Variants in NLRP10 observed in about 807,000 individuals in gnomAD.
NLRP10 encodes the protein NLR family pyrin domain containing 10.
Under a neutral mutation model 8.2 loss-of-function variants are expected in NLRP10, and 7 were observed. The ratio of observed to expected loss-of-function variants is 0.85; its 90% CI spans 0.48 to 1.60. The LOEUF (loss-of-function observed/expected upper bound fraction) is 1.60, where lower values mean the gene tolerates loss of function less well. Among genes scored for constraint, NLRP10 ranks in the 40% most tolerant of loss-of-function variants. The pLI, the probability that NLRP10 is intolerant of heterozygous loss-of-function variation, is 0.00. For synonymous variants in NLRP10, 338 were observed against 314.0 expected, an observed-to-expected ratio of 1.08 and a Z score of -0.81; for missense variants, 814 against 776.3, an observed-to-expected ratio of 1.05 and a Z score of -0.58.
At chr11:7,964,918 C>A (rs1430418703) in intron 1 of NLRP10, among the ~76,000 whole-genome samples, 2 of 152,224 alleles carry the variant, frequency 1.3e-5, no homozygotes, top group African/African-American at 2.4e-5. Context: ...AGTACAATGT[C>A]ACATTCATCA....
Position 7,958,393 on chromosome 11 carries a change from A to G in NLRP10, c.*1251T>C, listed in dbSNP as rs1941656047. On this transcript the variant is annotated 3_prime_UTR_variant, in exon 3 of 3. Coordinates refer to ENST00000691676, the MANE Select transcript of NLRP10 (RefSeq NM_001391958.1). ...ATCCTAACAAGCATTTAGTGTTGCC[A>G]GGATTTGGGATGTTAGCCATTCTAA... is the stretch of plus-strand genomic sequence containing the variant. 6.6e-6 allele frequency among the ~76,000 whole-genome samples: 1 copy of G among 152,226 alleles called. No homozygotes were observed.
chr11:7,960,658 C>A lies in NLRP10; in HGVS notation c.954G>T (p.Glu318Asp). 6.2e-7 allele frequency: 1 copy of A among 1,614,190 alleles called. No individual in the cohort carries two copies. Among genetic ancestry groups the A allele is most frequent in the Non-Finnish European group, 8.5e-7 (1 of 1,180,042 alleles). The change falls in exon 3 of 3, where the codon GAG becomes GAT. Residue 318 changes from glutamate (E) to aspartate (D), a missense_variant. By Grantham distance (45) the Glu-to-Asp change is conservative (BLOSUM62 2). Transcript: ENST00000691676. ...RHVHILGFSE[E>D]ERARYFSSYF... ...AGGAGCTGAAGTACCTCGCCCTCTC[C>A]TCCTCAGAGAAGCCTAGGATATGGA...
In NLRP10 at chr11:7,960,884, C is replaced by T. The variant is rs755554745; in HGVS notation, c.728G>A (p.Arg243Gln). 6 of 1,614,166 alleles carry T rather than the reference C, an allele frequency of 3.7e-6. No homozygotes were observed. Among genetic ancestry groups the T allele is most frequent in the East Asian group, 4.5e-5 (2 of 44,880 alleles). The change falls in exon 3 of 3, where the codon CGG becomes CAG. Residue 243 changes from arginine to glutamine, a missense_variant. Physicochemically the swap from Arg to Gln is conservative, Grantham distance 43. Transcript: ENST00000691676. ...PVTEILRQPE[R>Q]LLFILDGFDE... The stretch of plus-strand genomic sequence containing the variant: ...AAAGCCATCCAGGATGAACAGGAGC[C>T]GCTCTGGCTGCCTCAGAATCTCTGT...
chr11:7,961,460 A>C, intron 2 of NLRP10, 138 bp from the exon 3 acceptor site: 1 of 639,142 alleles, frequency 1.6e-6, no homozygotes, highest in Non-Finnish European at 2.7e-6. Context: ...TTCTGGCTTC[A>C]TGGGGAGGGG....
chr11:7,958,190 G>A lies in NLRP10; in HGVS notation c.*1454C>T, dbSNP rs1941652084. Among the ~76,000 whole-genome samples the A allele has an allele frequency of 6.6e-6, 1 of 152,138 alleles. No individual in the cohort carries two copies. The highest frequency in any genetic ancestry group is 1.5e-5 in the Non-Finnish European group (1 of 68,042). On this transcript the variant is annotated 3_prime_UTR_variant, in exon 3 of 3. Transcript: ENST00000691676. ...AGCTGCTATAAATATTCATGTGCAG[G>A]TTTTTATGTGGACATAAGTTTCCAA...
chr11:7,960,958 T>C lies in NLRP10; in HGVS notation c.654A>G (p.Lys218=). ...CKEVVLLLES[K]LEQLLFWCCG... is the part of the protein sequence containing the mutation. ...AGCACCAGAAAAGGAGCTGCTCCAG[T>C]TTGCTCTCCAGCAGCAGGACCACTT... The change falls in exon 3 of 3, where the codon AAA becomes AAG. Residue 218 remains lysine, a synonymous_variant. Coordinates refer to ENST00000691676, the MANE Select transcript of NLRP10 (RefSeq NM_001391958.1). The C allele has an allele frequency of 6.2e-7, 1 of 1,614,120 alleles. No individual in the cohort carries two copies. Among genetic ancestry groups the C allele is most frequent in the Non-Finnish European group, 8.5e-7 (1 of 1,180,032 alleles).
chr11:7,963,698 T>G (rs1941772255), intron 1 of NLRP10, 158 bp from the exon 2 acceptor site: 1 of 583,448 alleles, frequency 1.7e-6, no homozygotes, highest in Non-Finnish European at 3.0e-6. Context: ...ATTTTCCTAG[T>G]CATTCCCCTC....
At position 7,960,292 on chromosome 11, in the gene NLRP10, GC is replaced by G. The variant is rs1346072211; in HGVS notation, c.1319del (p.Gly440AlafsTer8). The G allele has an allele frequency of 1.5e-5, 25 of 1,614,162 alleles. No individual in the cohort carries two copies. Among genetic ancestry groups the G allele is most frequent in the Non-Finnish European group, 1.9e-5 (23 of 1,180,034 alleles). On this transcript the variant is annotated frameshift_variant, in exon 3 of 3. Transcript: ENST00000691676. LOFTEE classifies it low-confidence loss of function (END_TRUNC). ...TACTCAGGAAAGCGGCAAGCCTGGG[GC>G]CATCTAAATTATGTTTCCTGAGCTC... ...EAELRKHNLD[G>X]PRLAAFLSSN...
In NLRP10 at chr11:7,960,661, C is replaced by T. The variant is rs567774700; in HGVS notation, c.951G>A (p.Glu317=). The part of the protein sequence containing the change: ...ARHVHILGFS[E]EERARYFSSY... Reference sequence around the variant, plus strand: ...AGCTGAAGTACCTCGCCCTCTCCTCCTCAGAGAAGCCTAGGATATGGACAT... The same window carrying T: ...AGCTGAAGTACCTCGCCCTCTCCTCTTCAGAGAAGCCTAGGATATGGACAT... Residue 317 remains glutamate (E), a synonymous_variant, in exon 3 of 3, where the codon GAG becomes GAA. Coordinates refer to ENST00000691676, the MANE Select transcript of NLRP10 (RefSeq NM_001391958.1). 3 of 1,614,184 alleles carry T rather than the reference C, an allele frequency of 1.9e-6. No individual in the cohort carries two copies. Among genetic ancestry groups the T allele is most frequent in the African/African-American group, 2.7e-5 (2 of 75,038 alleles).
At chr11:7,963,859 G>T (rs1323559629) in intron 1 of NLRP10, among the ~76,000 whole-genome samples, 1 of 146,576 alleles carries the variant, frequency 6.8e-6, no homozygotes, top group African/African-American at 2.5e-5. Context: ...CTCTCAACAC[G>T]TTCTTTATTA....
intron 2 of NLRP10, among the ~76,000 whole-genome samples, chr11:7,961,779 C>G (rs979251153): frequency 1.6e-4 from 25 of 152,116 alleles, no homozygotes; most frequent in African/African-American, 5.8e-4. Flanking sequence ...AAAGGGATGC[C>G]TGAGGATGGT....
chr11:7,960,854 T>A lies in NLRP10; in HGVS notation c.758A>T (p.Glu253Val). ...RLLFILDGFD[E>V]LQRPFEEKLK... ...CTTTTCTTCAAAGGGCCTCTGCAGCTCATCAAAGCCATCCAGGATGAACAG... is the reference window on the plus strand; with the variant it reads ...CTTTTCTTCAAAGGGCCTCTGCAGCACATCAAAGCCATCCAGGATGAACAG... Residue 253 changes from glutamate to valine, a missense_variant, in exon 3 of 3, where the codon GAG becomes GTG. Transcript: ENST00000691676. 6.2e-7 allele frequency: 1 copy of A among 1,614,078 alleles called. No individual in the cohort carries two copies. Among genetic ancestry groups the A allele is most frequent in the South Asian group, 1.1e-5 (1 of 91,066 alleles).
rs1245818463 is a variant in NLRP10 at position 7,959,650 on chromosome 11, G to A, written c.1962C>T (p.Tyr654=). 1 of 1,510,468 alleles carries A rather than the reference G, an allele frequency of 6.6e-7. No individual in the cohort carries two copies. The allele number at this position is 1,510,468 out of a possible 1,614,324, so 93.6% of individuals were successfully genotyped here. The part of the protein sequence containing the change: ...RGTEETPKNT[Y]I ...TGTACATATTTAATTAGGTTTATAT[G>A]TAAGTATTTTTTGGTGTTTCCTCTG... The change falls in exon 3 of 3, where the codon TAC becomes TAT. Residue 654 remains tyrosine, a synonymous_variant. Coordinates refer to ENST00000691676, the MANE Select transcript of NLRP10 (RefSeq NM_001391958.1).
chr11:7,963,269 T>C lies in NLRP10; in HGVS notation c.227A>G (p.Lys76Arg). The C allele has an allele frequency of 5.6e-6, 9 of 1,614,228 alleles. No homozygotes were observed. The highest frequency in any genetic ancestry group is 1.3e-5 in the African/African-American group (1 of 75,070). ...CAACAGGTTCATGACCTTCAAGCCC[T>C]TGAGGACAACTTTCACAGCCTCCTT... ...GEKEAVKVVL[K>R]GLKVMNLLEL... The change falls in exon 2 of 3, where the codon AAG (lysine) becomes AGG (arginine). Residue 76 changes from lysine to arginine, a missense_variant. Physicochemically the swap from Lys to Arg is conservative, Grantham distance 26. Coordinates refer to ENST00000691676, the MANE Select transcript of NLRP10 (RefSeq NM_001391958.1).
In NLRP10 at chr11:7,961,678, T is replaced by A. The variant is rs145015816; in HGVS notation, c.290-356A>T. Among the ~76,000 whole-genome samples, 566 of 152,284 alleles carry A rather than the reference T, an allele frequency of 3.7e-3. 5 individuals carry two copies. The highest frequency in any genetic ancestry group is 0.013 in the African/African-American group (531 of 41,554). Reference sequence around the variant, plus strand: ...GTGTGTCTGTAAGAATACATGTAAGTGCAAAATGCCTGTGTGAGAATGCAT... The same window carrying A: ...GTGTGTCTGTAAGAATACATGTAAGAGCAAAATGCCTGTGTGAGAATGCAT... On this transcript the variant is annotated intron_variant, in intron 2 of 2. Transcript: ENST00000691676.
intron 2 of NLRP10, among the ~76,000 whole-genome samples, chr11:7,962,329 G>T (rs185869599): frequency 2.2e-5 from 3 of 135,604 alleles, no homozygotes; most frequent in African/African-American, 8.2e-5. Flanking sequence ...TCCGCCTCCC[G>T]GGTTCACGCC....
intron 1 of NLRP10, among the ~76,000 whole-genome samples, chr11:7,964,750 C>T (rs999152412): frequency 3.3e-5 from 5 of 152,208 alleles, no homozygotes; most frequent in South Asian, 2.1e-4. Context: ...ACTAAAGTAA[C>T]GGGAAAGGAG....
In NLRP10 at chr11:7,961,121, A is replaced by G. The variant is rs911261326; in HGVS notation, c.491T>C (p.Leu164Pro). 1.2e-6 allele frequency: 2 copies of G among 1,613,998 alleles called. No individual in the cohort carries two copies. The highest frequency in any genetic ancestry group is 8.5e-7 in the Non-Finnish European group (1 of 1,180,018). The change falls in exon 3 of 3, where the codon CTG becomes CCG. Residue 164 changes from leucine to proline, a missense_variant. Leu to Pro is a moderately conservative substitution (Grantham distance 98). Transcript: ENST00000691676. ...ALFDSGEKPS[L>P]APSLVVLQGS... ...CTGTAGCACAACTAAGGATGGGGCC[A>G]GTGAGGGCTTTTCCCCTGAATCAAA...
chr11:7,959,993 C>G lies in NLRP10; in HGVS notation c.1619G>C (p.Cys540Ser), dbSNP rs771637650. 6 of 1,614,012 alleles carry G rather than the reference C, an allele frequency of 3.7e-6. No homozygotes were observed. Among genetic ancestry groups the G allele is most frequent in the Non-Finnish European group, 5.1e-6 (6 of 1,180,012 alleles). ...ELKFCFRISPCLAQDLKHFKE... is the reference protein window; with the variant it reads ...ELKFCFRISPSLAQDLKHFKE... The stretch of plus-strand genomic sequence containing the variant: ...AAAATGCTTCAGATCCTGCGCTAAA[C>G]AGGGAGAAATTCTGAAGCAGAACTT... Residue 540 changes from cysteine (C) to serine (S), a missense_variant, in exon 3 of 3, where the codon TGT (cysteine) becomes TCT (serine). Coordinates refer to ENST00000691676, the MANE Select transcript of NLRP10 (RefSeq NM_001391958.1).
Sources: gnomAD v4.1 joint callset for allele counts (sites outside exome capture counted in the v4.1 genomes callset) on GRCh38, gnomAD v4.1.1 for gene constraint, MANE v1.5 for transcripts, NCBI Gene and HGNC (gene_info 2026-07-23, HGNC 2026-07-21) for gene names.